Variants in RSF1 observed in about 807,000 individuals in gnomAD.
The protein encoded by RSF1 is remodeling and spacing factor 1.
RSF1 carries 13 observed loss-of-function variants against 145.2 expected under a neutral mutation model. The ratio of observed to expected loss-of-function variants is 0.09; its 90% confidence interval spans 0.06 to 0.14. The LOEUF (loss-of-function observed/expected upper bound fraction) is 0.14, where lower values mean the gene tolerates loss of function less well. Among genes scored for constraint, RSF1 ranks in the 10% least tolerant of loss-of-function variants. RSF1 has a pLI of 1.00. For synonymous variants in RSF1, 577 were observed against 592.6 expected, an observed-to-expected ratio of 0.97 and a Z score of 0.38; for missense variants, 1,517 against 1,718.2, an observed-to-expected ratio of 0.88 and a Z score of 2.07.
At chr11:77,715,573 A>G (rs1207522155) in intron 5 of RSF1, among the ~76,000 whole-genome samples, 2 of 151,890 alleles carry the variant, frequency 1.3e-5, no homozygotes, top group African/African-American at 4.8e-5. Flanking sequence ...TTGGCTTCCC[A>G]AGTAGCTGGG....
chr11:77,781,113 T>C, intron 1 of RSF1, among the ~76,000 whole-genome samples: 1 of 151,968 alleles, frequency 6.6e-6, no homozygotes, highest in Admixed American at 6.6e-5. Flanking sequence ...TCTTTTTTTT[T>C]TGAGAGAGAG....
the RSF1 span, chr11:77,841,355 C>T: frequency 2.5e-5 from 15 of 603,202 alleles, no homozygotes; most frequent in Admixed American, 3.9e-4. Flanking sequence ...ACTTTAGTCT[C>T]TGTTCTGTTA....
chr11:77,832,300 A>T, the RSF1 span, among the ~76,000 whole-genome samples: 1 of 150,764 alleles, frequency 6.6e-6, no homozygotes, highest in African/African-American at 2.5e-5. Context: ...TTATAAGTTT[A>T]TAAAAAATGA....
intron 1 of RSF1, among the ~76,000 whole-genome samples, chr11:77,819,466 G>T (rs1358471930): frequency 1.3e-5 from 2 of 152,246 alleles, no homozygotes; most frequent in Non-Finnish European, 2.9e-5. Flanking sequence ...AGCAGCAGCA[G>T]CAGGAAGTTT....
intron 9 of RSF1, among the ~76,000 whole-genome samples, chr11:77,687,388 A>C (rs1412335329): frequency 6.6e-6 from 1 of 152,150 alleles, no homozygotes; most frequent in Non-Finnish European, 1.5e-5. Context: ...ATGTCCTCTT[A>C]AAGGATGACA....
intron 5 of RSF1, chr11:77,703,425 C>T (rs1960470507): frequency 6.6e-6 from 1 of 152,148 alleles, no homozygotes; most frequent in South Asian, 2.1e-4. Context: ...TTTTTAATCC[C>T]TTCACCTTAT....
intron 1 of RSF1, among the ~76,000 whole-genome samples, chr11:77,809,945 G>GA (rs887097202): frequency 6.6e-6 from 1 of 152,164 alleles, no homozygotes; most frequent in Non-Finnish European, 1.5e-5. Context: ...AGGACAAAAG[G>GA]AAAAGAGTAA....
chr11:77,812,981 G>T (rs765472140), intron 1 of RSF1, among the ~76,000 whole-genome samples: 2 of 151,310 alleles, frequency 1.3e-5, no homozygotes, highest in Admixed American at 6.6e-5. Context: ...CTTAATTTTG[G>T]ACAAACATTC....
chr11:77,740,506 G>A (rs907181676), intron 4 of RSF1, among the ~76,000 whole-genome samples: 3 of 152,132 alleles, frequency 2.0e-5, no homozygotes, highest in African/African-American at 7.2e-5. Flanking sequence ...TATAAGGTAT[G>A]TGTATATAAT....
chr11:77,869,768 A>G, the RSF1 span: 1 of 1,614,018 alleles, frequency 6.2e-7, no homozygotes, highest in Non-Finnish European at 8.5e-7. Flanking sequence ...GTTGTTGAGA[A>G]GGGTGTACAG....
At position 77,663,504 on chromosome 11, in the gene RSF1, G is replaced by A. The variant is rs1959283368; in HGVS notation, c.*3413C>T. ...TTAGCATTTAAAGTTTTTGGTTCTT[G>A]GGCAGGTCACTTTTATATATAGATT... On this transcript the variant is annotated 3_prime_UTR_variant, in exon 16 of 16. Coordinates refer to ENST00000308488, the MANE Select transcript of RSF1 (RefSeq NM_016578.4). 6.6e-6 allele frequency: 1 copy of A among 151,986 alleles called. No individual in the cohort carries two copies. The highest frequency in any genetic ancestry group is 6.6e-5 in the Admixed American group (1 of 15,246). 9.4% of individuals were successfully genotyped at this position (151,986 alleles called of 1,614,324 possible). A position where few individuals can be genotyped will look rare whatever the true frequency, so the allele number is the denominator to read the frequency against.
chr11:77,852,053 T>C, the RSF1 span, among the ~76,000 whole-genome samples: 2 of 151,864 alleles, frequency 1.3e-5, no homozygotes, highest in African/African-American at 4.8e-5. Flanking sequence ...CTTCTCATAA[T>C]TATTTTTACT....
At chr11:77,677,353 C>T (rs1959736229) in intron 12 of RSF1, among the ~76,000 whole-genome samples, 1 of 152,094 alleles carries the variant, frequency 6.6e-6, no homozygotes, top group Admixed American at 6.5e-5. Flanking sequence ...TTTTCATCAC[C>T]CAAAAAAGAA....
At chr11:77,754,767 CA>C (rs978847794) in intron 2 of RSF1, among the ~76,000 whole-genome samples, 1 of 151,840 alleles carries the variant, frequency 6.6e-6, no homozygotes, top group African/African-American at 2.4e-5. Context: ...CCCCAAAAAA[CA>C]AAAACTAAAA....
At chr11:77,673,340 C>T (rs1019083610) in intron 14 of RSF1, among the ~76,000 whole-genome samples, 4 of 152,218 alleles carry the variant, frequency 2.6e-5, no homozygotes, top group Non-Finnish European at 5.9e-5. Flanking sequence ...CAGAGTGAGG[C>T]TGTGGCATTA....
At chr11:77,789,383 A>G (rs1454743705) in intron 1 of RSF1, among the ~76,000 whole-genome samples, 1 of 152,180 alleles carries the variant, frequency 6.6e-6, no homozygotes, top group Non-Finnish European at 1.5e-5. Flanking sequence ...CCTGTCCCCA[A>G]CAGACTGCCC....
chr11:77,836,083 G>A, the RSF1 span, among the ~76,000 whole-genome samples: 1 of 152,064 alleles, frequency 6.6e-6, no homozygotes, highest in Non-Finnish European at 1.5e-5. Context: ...ATGTTGTTGA[G>A]ATAACAGATC....
intron 13 of RSF1, among the ~76,000 whole-genome samples, chr11:77,675,808 A>G (rs1959686216): frequency 6.6e-6 from 1 of 152,224 alleles, no homozygotes; most frequent in African/African-American, 2.4e-5. Flanking sequence ...TTTCCCCTCA[A>G]TCTATCCTCC....
At chr11:77,837,264 T>C in the RSF1 span, among the ~76,000 whole-genome samples, 16 of 151,052 alleles carry the variant, frequency 1.1e-4, no homozygotes, top group African/African-American at 3.7e-4. Flanking sequence ...GTCTACCGAG[T>C]AGCTGGGATT....
Sources: allele counts gnomAD v4.1 joint callset (sites outside exome capture counted in the v4.1 genomes callset), GRCh38; gene constraint gnomAD v4.1.1; transcripts MANE v1.5; gene names NCBI Gene and HGNC (gene_info 2026-07-23, HGNC 2026-07-21).